Variants in DMD observed in about 807,000 individuals in gnomAD.
DMD encodes the protein dystrophin, also known as mutant dystrophin.
In DMD, 63 loss-of-function variants were observed where a neutral mutation model predicts 330.1. The ratio of observed to expected loss-of-function variants is 0.19; its 90% CI spans 0.16 to 0.24. DMD has a LOEUF of 0.24. DMD is among the 10% of genes least tolerant of loss of function. DMD has a pLI of 1.00. For synonymous variants in DMD, 1,223 were observed against 959.8 expected (o/e 1.27, Z -5.07); for missense variants, 3,344 against 2,684.1 (o/e 1.25, Z -5.43).
chrX:32,211,256 A>C (rs1219201964), intron 44 of DMD, among the ~76,000 whole-genome samples: 1 of 111,630 alleles, frequency 9.0e-6, no homozygotes, highest in East Asian at 2.8e-4. Flanking sequence ...AAGGGAGTGT[A>C]TTTTTCTTCA....
intron 60 of DMD, among the ~76,000 whole-genome samples, chrX:31,367,685 T>G (rs1474830384): frequency 8.9e-6 from 1 of 112,014 alleles, no homozygotes; most frequent in Non-Finnish European, 1.9e-5. Flanking sequence ...TTTCATTTGA[T>G]CTTTGTAATA....
chrX:31,145,388 A>G (rs1346292313), intron 76 of DMD, among the ~76,000 whole-genome samples: 1 of 111,757 alleles, frequency 8.9e-6, no homozygotes, highest in African/African-American at 3.3e-5. Context: ...CACTGGATCG[A>G]AGCACCTGTG....
chrX:31,260,238 TCCCAAAACAAAA>T (rs960998863), intron 63 of DMD, among the ~76,000 whole-genome samples: 1 of 111,162 alleles, frequency 9.0e-6, no homozygotes, highest in African/African-American at 3.3e-5. Flanking sequence ...CAAGACCCTG[TCCCAAAACAAAA>T]CCCAAAACAA....
At chrX:32,419,515 A>G (rs530220003) in intron 29 of DMD, among the ~76,000 whole-genome samples, 1 of 112,257 alleles carries the variant, frequency 8.9e-6, no homozygotes, top group African/African-American at 3.2e-5. Context: ...TATAGGCGGT[A>G]AATAATTACA....
In DMD at chrX:32,783,404, C is replaced by CA. The variant is rs199906133; in HGVS notation, c.649+26088_649+26089insT. Among the ~76,000 whole-genome samples, 36 of 103,117 alleles carry CA rather than the reference C, an allele frequency of 3.5e-4. 1 individual carries two copies. Among genetic ancestry groups the CA allele is most frequent in the African/African-American group, 1.2e-3 (34 of 28,645 alleles). 89.5% of individuals were successfully genotyped at this position (103,117 alleles called of 115,157 possible). A position where few individuals can be genotyped will look rare whatever the true frequency, so the allele number is the denominator to read the frequency against. ...TATATACCATATATATACACACACACCCCTAGTATGTACCCACAAAAATTT... is the reference window on the plus strand; with the variant it reads ...TATATACCATATATATACACACACACACCCTAGTATGTACCCACAAAAATTT... On this transcript the variant is annotated intron_variant, in intron 7 of 78. Transcript: ENST00000357033.
At chrX:32,350,459 T>C (rs1300411968) in intron 37 of DMD, among the ~76,000 whole-genome samples, 1 of 111,144 alleles carries the variant, frequency 9.0e-6, no homozygotes, top group African/African-American at 3.3e-5. Context: ...CTCTCAGTCA[T>C]TCAGGCGTAA....
At chrX:31,990,292 G>C (rs886394192) in intron 44 of DMD, among the ~76,000 whole-genome samples, 1 of 111,448 alleles carries the variant, frequency 9.0e-6, no homozygotes, top group Non-Finnish European at 1.9e-5. Flanking sequence ...TTCCTAGATA[G>C]TTTATGTAAA....
At chrX:33,045,092 T>C (rs751068131) in intron 1 of DMD, among the ~76,000 whole-genome samples, 1 of 111,061 alleles carries the variant, frequency 9.0e-6, no homozygotes, top group Admixed American at 9.6e-5. Context: ...TACAAGGGAA[T>C]GTGAGGAAGG....
chrX:32,055,838 A>C (rs770183186), intron 44 of DMD, among the ~76,000 whole-genome samples: 1 of 111,531 alleles, frequency 9.0e-6, no homozygotes, highest in South Asian at 3.7e-4. Context: ...AGAATGCATA[A>C]AATCACAGTA....
intron 51 of DMD, among the ~76,000 whole-genome samples, chrX:31,749,250 G>A (rs1375628109): frequency 2.2e-4 from 23 of 103,401 alleles, no homozygotes; most frequent in South Asian, 4.8e-4. Context: ...CCACTAACCC[G>A]TCATCTAGCA....
intron 55 of DMD, among the ~76,000 whole-genome samples, chrX:31,613,691 C>T (rs1410437109): frequency 9.0e-6 from 1 of 111,250 alleles, no homozygotes; most frequent in East Asian, 2.8e-4. Context: ...GGACTTTGTA[C>T]TCTATTATAA....
chrX:32,550,221 TAG>T (rs1191350711), intron 16 of DMD, among the ~76,000 whole-genome samples: 1 of 111,670 alleles, frequency 9.0e-6, no homozygotes, highest in Non-Finnish European at 1.9e-5. Context: ...AAATATGATA[TAG>T]AGAGTTGGGC....
rs754812790 is a variant in DMD at position 32,196,968 on chromosome X, C to T, written c.6438+19948G>A. On this transcript the variant is annotated intron_variant, in intron 44 of 78. Coordinates refer to ENST00000357033, the MANE Select transcript of DMD (RefSeq NM_004006.3). The stretch of plus-strand genomic sequence containing the variant: ...GCCACTGTACTCCAGCCTGGGGTGA[C>T]AGAGCGAGACTCCATCTCAAAAAAA... 5.9e-3 allele frequency among the ~76,000 whole-genome samples: 418 copies of T among 70,774 alleles called. 3 individuals carry two copies. Among genetic ancestry groups the T allele is most frequent in the Non-Finnish European group, 7.4e-3 (307 of 41,511 alleles). 61.5% of individuals were successfully genotyped at this position (70,774 alleles called of 115,157 possible).
intron 2 of DMD, among the ~76,000 whole-genome samples, chrX:32,893,558 A>T (rs2085419141): frequency 8.9e-6 from 1 of 111,734 alleles, no homozygotes. Context: ...AGCCATTAAA[A>T]CCCCTCAGAG....
intron 44 of DMD, among the ~76,000 whole-genome samples, chrX:32,035,338 C>T (rs1383648058): frequency 9.0e-6 from 1 of 111,455 alleles, no homozygotes; most frequent in Non-Finnish European, 1.9e-5. Context: ...TCAATTTAGA[C>T]TCTAGTAAGG....
chrX:31,341,470 C>T (rs1664634755), intron 61 of DMD, among the ~76,000 whole-genome samples: 1 of 111,991 alleles, frequency 8.9e-6, no homozygotes, highest in Admixed American at 9.5e-5. Context: ...CATTTTACAG[C>T]TTTTACTCTT....
At chrX:32,664,109 C>T (rs140010566) in intron 9 of DMD, among the ~76,000 whole-genome samples, 2 of 111,217 alleles carry the variant, frequency 1.8e-5, no homozygotes, top group African/African-American at 6.5e-5. Context: ...TAAGGCAAGG[C>T]CAAAGCAGGC....
intron 29 of DMD, among the ~76,000 whole-genome samples, chrX:32,421,958 G>A (rs2098191689): frequency 9.0e-6 from 1 of 111,564 alleles, no homozygotes; most frequent in South Asian, 3.8e-4. Context: ...GGATCCTAGT[G>A]ATGCCCTTTC....
At chrX:32,728,237 G>A (rs1307203548) in intron 7 of DMD, among the ~76,000 whole-genome samples, 2 of 111,497 alleles carry the variant, frequency 1.8e-5, no homozygotes, top group African/African-American at 3.3e-5. Context: ...TTCTTGTTAG[G>A]AAGCTTGCCA....
Sources: gnomAD v4.1 joint callset for allele counts (sites outside exome capture counted in the v4.1 genomes callset) on GRCh38, gnomAD v4.1.1 for gene constraint, MANE v1.5 for transcripts, NCBI Gene and HGNC (gene_info 2026-07-23, HGNC 2026-07-21) for gene names.